The following ELAPOR2 variants were observed in gnomAD, a reference collection of about 807,000 sequenced individuals.
ELAPOR2 encodes the protein endosome-lysosome associated apoptosis and autophagy regulator family member 2.
In ELAPOR2, 89 loss-of-function variants were observed where a neutral mutation model predicts 120.7. That is an observed-to-expected ratio of 0.74 (90% confidence interval 0.62 to 0.88). The LOEUF (loss-of-function observed/expected upper bound fraction) is 0.88, where lower values mean the gene tolerates loss of function less well. Among genes scored for constraint, ELAPOR2 ranks in the 40% least tolerant of loss-of-function variants. The pLI is 0.00. For synonymous variants in ELAPOR2, 444 were observed against 444.9 expected, an observed-to-expected ratio of 1.00 and a Z score of 0.03; for missense variants, 1,134 against 1,251.6, an observed-to-expected ratio of 0.91 and a Z score of 1.42.
intron 1 of ELAPOR2, among the ~76,000 whole-genome samples, chr7:87,000,821 T>C (rs1184791093): frequency 6.6e-6 from 1 of 152,176 alleles, no homozygotes; most frequent in Non-Finnish European, 1.5e-5. Flanking sequence ...AGAGCTGACC[T>C]GGAACAGTTG....
intron 1 of ELAPOR2, among the ~76,000 whole-genome samples, chr7:86,993,890 C>G (rs1039629538): frequency 2.6e-5 from 4 of 152,220 alleles, no homozygotes; most frequent in African/African-American, 9.6e-5. Flanking sequence ...CACACACATA[C>G]AGCCCATTCA....
intron 2 of ELAPOR2, among the ~76,000 whole-genome samples, chr7:86,952,466 A>G (rs1791298856): frequency 6.6e-6 from 1 of 152,214 alleles, no homozygotes; most frequent in African/African-American, 2.4e-5. Context: ...CAACCAATAC[A>G]AAAAGGGCAA....
intron 1 of ELAPOR2, among the ~76,000 whole-genome samples, chr7:86,997,380 AT>A (rs760420466): frequency 2.0e-5 from 3 of 152,230 alleles, no homozygotes; most frequent in Non-Finnish European, 4.4e-5. Flanking sequence ...AAAAGAAGAT[AT>A]CAGAAGCTAT....
intron 18 of ELAPOR2, among the ~76,000 whole-genome samples, chr7:86,902,401 C>T (rs1405430388): frequency 6.6e-6 from 1 of 152,110 alleles, no homozygotes; most frequent in Non-Finnish European, 1.5e-5. Flanking sequence ...GTCTCAAACT[C>T]CTGACCTCAT....
intron 16 of ELAPOR2, 39 bp downstream of exon 16, chr7:86,909,773 T>C (rs1383477486): frequency 6.8e-7 from 1 of 1,477,976 alleles, no homozygotes; most frequent in African/African-American, 1.4e-5. Flanking sequence ...AATTTAAGAA[T>C]AAATGTATGC....
intron 1 of ELAPOR2, among the ~76,000 whole-genome samples, chr7:86,992,992 C>T (rs564399344): frequency 6.6e-6 from 1 of 152,070 alleles, no homozygotes; most frequent in Admixed American, 6.5e-5. Flanking sequence ...AATCCCAACA[C>T]TTTGGGAGGC....
chr7:86,971,633 G>A (rs1302912142), intron 1 of ELAPOR2, among the ~76,000 whole-genome samples: 6 of 152,154 alleles, frequency 3.9e-5, no homozygotes, highest in African/African-American at 1.4e-4. Flanking sequence ...CAAAAGAATG[G>A]AGTTTCTAAA....
In ELAPOR2 at chr7:86,919,227, C is replaced by T. The variant is rs775062814; in HGVS notation, c.1483G>A (p.Gly495Arg). The T allele has an allele frequency of 3.1e-6, 5 of 1,608,216 alleles. No individual in the cohort carries two copies. Among genetic ancestry groups the T allele is most frequent in the Non-Finnish European group, 4.3e-6 (5 of 1,175,680 alleles). ...TAGAATTGTTTTCCTTACTTAAATC[C>T]TGGGATATGCAAGTTTAAGATCAGG... ...DYLILNLHIP[G>R]FKPPTSMTGA... The change falls in exon 11 of 22, where the codon GGA becomes AGA. Residue 495 changes from glycine (G) to arginine (R), a missense_variant. Transcript: ENST00000450689.
intron 1 of ELAPOR2, among the ~76,000 whole-genome samples, chr7:87,046,484 GC>G (rs1158548377): frequency 2.6e-5 from 4 of 152,152 alleles, no homozygotes; most frequent in Middle Eastern, 3.2e-3. Context: ...ACCCCGAATA[GC>G]CAAAGATATC....
chr7:86,953,180 G>T (rs1562940911), intron 2 of ELAPOR2, among the ~76,000 whole-genome samples: 1 of 151,646 alleles, frequency 6.6e-6, no homozygotes, highest in East Asian at 1.9e-4. Context: ...TCTGCCAGTG[G>T]ATTACATCCT....
chr7:87,038,244 C>T (rs930256709), intron 1 of ELAPOR2, among the ~76,000 whole-genome samples: 2 of 152,048 alleles, frequency 1.3e-5, no homozygotes, highest in African/African-American at 4.8e-5. Context: ...GTATTATGTA[C>T]CAAACATTCT....
intron 21 of ELAPOR2, among the ~76,000 whole-genome samples, chr7:86,885,500 C>A (rs1473258874): frequency 6.6e-6 from 1 of 152,100 alleles, no homozygotes; most frequent in African/African-American, 2.4e-5. Context: ...AGTCTTAATG[C>A]CTCCCTCCCA....
At position 86,958,598 on chromosome 7, in the gene ELAPOR2, C is replaced by T. The variant is rs148465707; in HGVS notation, c.310+6306G>A. Among the ~76,000 whole-genome samples, 606 of 152,290 alleles carry T rather than the reference C, an allele frequency of 4.0e-3. 5 individuals carry two copies. Among genetic ancestry groups the T allele is most frequent in the African/African-American group, 0.014 (581 of 41,564 alleles). On this transcript the variant is annotated intron_variant, in intron 2 of 21. Coordinates refer to ENST00000450689, the MANE Select transcript of ELAPOR2 (RefSeq NM_001142749.3). ...GCCCTTCCCACATCCTCCCTGAGTG[C>T]CAGCCATTCAGATCTCACAGAGCAC...
chr7:87,013,410 C>A (rs932451406), intron 1 of ELAPOR2, among the ~76,000 whole-genome samples: 1 of 152,158 alleles, frequency 6.6e-6, no homozygotes, highest in African/African-American at 2.4e-5. Context: ...AAAAGCTATT[C>A]TTAATCATAT....
At chr7:86,958,985 T>G (rs1027260671) in intron 2 of ELAPOR2, among the ~76,000 whole-genome samples, 5 of 152,190 alleles carry the variant, frequency 3.3e-5, no homozygotes, top group African/African-American at 1.2e-4. Flanking sequence ...TCCATTTATT[T>G]GTGTCTGCTT....
In ELAPOR2 at chr7:86,888,022, T is replaced by C. The variant is rs144018925; in HGVS notation, c.3030+3702A>G. Among the ~76,000 whole-genome samples, 348 of 152,240 alleles carry C rather than the reference T, an allele frequency of 2.3e-3. 3 individuals carry two copies. The highest frequency in any genetic ancestry group is 0.012 in the South Asian group (57 of 4,822). On this transcript the variant is annotated intron_variant, in intron 21 of 21. Transcript: ENST00000450689. The stretch of plus-strand genomic sequence containing the variant: ...TAACCTCAGGCTTCCTGGGTACAAC[T>C]TCTAGTGATAGCCCACCCAGAAGGG...
intron 9 of ELAPOR2, among the ~76,000 whole-genome samples, chr7:86,926,433 AAAC>A (rs2116229945): frequency 1.3e-5 from 2 of 152,164 alleles, no homozygotes; most frequent in East Asian, 3.9e-4. Context: ...CAAAAAGTTT[AAAC>A]AACTTGGATA....
intron 1 of ELAPOR2, among the ~76,000 whole-genome samples, chr7:87,037,047 A>C (rs1333994763): frequency 1.3e-5 from 2 of 152,028 alleles, no homozygotes; most frequent in Non-Finnish European, 2.9e-5. Context: ...GCTAATGCTA[A>C]TCCTTCTCTA....
In ELAPOR2 at chr7:86,891,851, T is replaced by A. The variant is rs753352947; in HGVS notation, c.2903A>T (p.Asn968Ile). The A allele has an allele frequency of 3.1e-6, 5 of 1,609,818 alleles. No individual in the cohort carries two copies. The highest frequency in any genetic ancestry group is 4.2e-6 in the Non-Finnish European group (5 of 1,177,616). Residue 968 changes from asparagine to isoleucine, a missense_variant, in exon 21 of 22, where the codon AAC becomes ATC. By Grantham distance (149) the Asn-to-Ile change is moderately radical. This residue lies in a region of ELAPOR2 where 831 missense variants were observed against 867.6 expected (regional missense o/e 0.96). Coordinates refer to ENST00000450689, the MANE Select transcript of ELAPOR2 (RefSeq NM_001142749.3). ...AGCCGGGAGTTCACACTCTTTTGAGTTAGTCGTCATTACTAACTTGGAATA... is the reference window on the plus strand; with the variant it reads ...AGCCGGGAGTTCACACTCTTTTGAGATAGTCGTCATTACTAACTTGGAATA... ...YKYSKLVMTT[N>I]SKECELPAAD...
Sources: allele counts gnomAD v4.1 joint callset (sites outside exome capture counted in the v4.1 genomes callset), GRCh38; gene constraint gnomAD v4.1.1; regional missense constraint gnomAD v4.1.1; transcripts MANE v1.5; gene names NCBI Gene and HGNC (gene_info 2026-07-23, HGNC 2026-07-21).